Variants in ZFHX3 observed in about 807,000 individuals in gnomAD.
ZFHX3 encodes zinc finger homeobox 3.
ZFHX3 carries 42 observed loss-of-function variants against 279.1 expected under a neutral mutation model. The observed-to-expected ratio is 0.15, with a 90% CI of 0.12 to 0.19. ZFHX3 has a LOEUF of 0.19. Among genes scored for constraint, ZFHX3 ranks in the 10% least tolerant of loss-of-function variants. The pLI is 1.00. For synonymous variants in ZFHX3, 2,293 were observed against 1,957.8 expected, an observed-to-expected ratio of 1.17 and a Z score of -4.52; for missense variants, 4,981 against 4,754.0, an observed-to-expected ratio of 1.05 and a Z score of -1.40.
intron 1 of ZFHX3, among the ~76,000 whole-genome samples, chr16:73,039,252 C>G (rs1190453846): frequency 6.6e-6 from 1 of 152,046 alleles, no homozygotes; most frequent in Non-Finnish European, 1.5e-5. Context: ...GCCACCACAC[C>G]CAGCCCAGAT....
At chr16:73,318,800 G>A (rs1245837104) in intron 3 of ZFHX3, among the ~76,000 whole-genome samples, 2 of 152,180 alleles carry the variant, frequency 1.3e-5, no homozygotes, top group Non-Finnish European at 2.9e-5. Flanking sequence ...ATTAGTTTCA[G>A]CAATGGATTG....
intron 3 of ZFHX3, among the ~76,000 whole-genome samples, chr16:73,318,989 G>A (rs758130943): frequency 1.3e-5 from 2 of 151,976 alleles, no homozygotes; most frequent in African/African-American, 2.4e-5. Context: ...ACACTTGTCT[G>A]CAGCTGAGCC....
chr16:73,129,605 T>C (rs891462696), intron 7 of ZFHX3, among the ~76,000 whole-genome samples: 1 of 151,912 alleles, frequency 6.6e-6, no homozygotes, highest in Non-Finnish European at 1.5e-5. Context: ...GTGTAGTGTG[T>C]GCGTGTGTGT....
At chr16:73,843,078 T>A (rs949007393) in intron 1 of ZFHX3, among the ~76,000 whole-genome samples, 1 of 152,252 alleles carries the variant, frequency 6.6e-6, no homozygotes, top group Admixed American at 6.5e-5. Flanking sequence ...TCTTTGTTTT[T>A]GCAGAATTTT....
chr16:73,179,684 T>C (rs1052829001), intron 5 of ZFHX3, among the ~76,000 whole-genome samples: 13 of 152,288 alleles, frequency 8.5e-5, no homozygotes, highest in Admixed American at 1.3e-4. Context: ...GTCTCCAAGT[T>C]GTCTCTGGGG....
intron 1 of ZFHX3, among the ~76,000 whole-genome samples, chr16:73,754,226 C>T (rs1403855934): frequency 1.3e-5 from 2 of 152,090 alleles, no homozygotes; most frequent in Admixed American, 6.5e-5. Context: ...AAAAAACGTC[C>T]GCAGCCTGAT....
chr16:73,265,531 G>A (rs968065404), intron 4 of ZFHX3, among the ~76,000 whole-genome samples: 3 of 152,144 alleles, frequency 2.0e-5, no homozygotes, highest in African/African-American at 7.2e-5. Context: ...GGAATAAGCT[G>A]AGATGCATTG....
At chr16:72,932,118 G>A (rs1282470632) in intron 3 of ZFHX3, among the ~76,000 whole-genome samples, 4 of 152,156 alleles carry the variant, frequency 2.6e-5, no homozygotes, top group Non-Finnish European at 5.9e-5. Context: ...TGAGTGTCCT[G>A]TGTACTCTAT....
intron 8 of ZFHX3, among the ~76,000 whole-genome samples, chr16:72,799,331 T>C (rs1285729018): frequency 1.3e-5 from 2 of 152,224 alleles, no homozygotes; most frequent in Non-Finnish European, 2.9e-5. Flanking sequence ...TACATTTTTT[T>C]CCCTACAATG....
intron 1 of ZFHX3, among the ~76,000 whole-genome samples, chr16:73,018,621 C>T (rs1964188919): frequency 6.6e-6 from 1 of 152,012 alleles, no homozygotes; most frequent in Non-Finnish European, 1.5e-5. Context: ...AATAAAATAA[C>T]TCTAAATAAT....
chr16:73,742,346 A>G (rs1173675114), intron 1 of ZFHX3, among the ~76,000 whole-genome samples: 1 of 152,212 alleles, frequency 6.6e-6, no homozygotes, highest in Non-Finnish European at 1.5e-5. Context: ...ATGTGTTTGA[A>G]GAGGGTGTGT....
chr16:73,552,059 AAGAG>A (rs1410099112), intron 2 of ZFHX3, among the ~76,000 whole-genome samples: 3 of 151,894 alleles, frequency 2.0e-5, no homozygotes, highest in African/African-American at 4.8e-5. Context: ...GAGAGAGAGA[AAGAG>A]AGAGAAAGCA....
chr16:73,583,680 T>C (rs2051885433), intron 2 of ZFHX3, among the ~76,000 whole-genome samples: 2 of 152,342 alleles, frequency 1.3e-5, no homozygotes, highest in South Asian at 4.1e-4. Context: ...TGGATAGACA[T>C]GTTCAATTCT....
chr16:72,938,767 G>C (rs1364433671), intron 3 of ZFHX3, among the ~76,000 whole-genome samples: 1 of 152,212 alleles, frequency 6.6e-6, no homozygotes, highest in Non-Finnish European at 1.5e-5. Context: ...AAAGAGACGG[G>C]ACAGAGGTCA....
intron 3 of ZFHX3, among the ~76,000 whole-genome samples, chr16:72,944,582 C>CAAAACTA (rs1555532476): frequency 6.6e-6 from 1 of 151,220 alleles, no homozygotes; most frequent in Admixed American, 6.6e-5. Flanking sequence ...ATGTTACATG[C>CAAAACTA]AAAAATAAAA....
At chr16:73,653,819 G>C (rs568246744) in intron 2 of ZFHX3, among the ~76,000 whole-genome samples, 2 of 151,588 alleles carry the variant, frequency 1.3e-5, no homozygotes, top group South Asian at 4.1e-4. Context: ...ATAAAGAAAA[G>C]GTAAAAGGCA....
At chr16:73,824,371 C>G (rs929195951) in intron 1 of ZFHX3, among the ~76,000 whole-genome samples, 3 of 139,124 alleles carry the variant, frequency 2.2e-5, no homozygotes, top group Non-Finnish European at 3.1e-5. Context: ...GTTTTCTTTC[C>G]AAATAATTTC....
intron 8 of ZFHX3, among the ~76,000 whole-genome samples, chr16:73,070,926 GCGCGCGCGCGCGCACACA>G (rs1187173109): frequency 3.9e-3 from 116 of 29,550 alleles, no homozygotes; most frequent in Middle Eastern, 0.017. Context: ...GCGCGCGCGC[GCGCGCGCGCGCGCACACA>G]CACACACACA....
chr16:73,524,794 T>A (rs1019580242), intron 2 of ZFHX3, among the ~76,000 whole-genome samples: 1 of 152,184 alleles, frequency 6.6e-6, no homozygotes, highest in African/African-American at 2.4e-5. Flanking sequence ...GCCTTCAGAG[T>A]CATCTGTGTG....
Sources: gnomAD v4.1 joint callset for allele counts (sites outside exome capture counted in the v4.1 genomes callset) on GRCh38, gnomAD v4.1.1 for gene constraint, MANE v1.5 for transcripts, NCBI Gene and HGNC (gene_info 2026-07-23, HGNC 2026-07-21) for gene names.